The following PRKAG2 variants were observed in gnomAD, a reference collection of about 807,000 sequenced individuals.
PRKAG2 encodes protein kinase AMP-activated non-catalytic subunit gamma 2.
Under a neutral mutation model 69.6 loss-of-function variants are expected in PRKAG2, and 26 were observed. The ratio of observed to expected loss-of-function variants is 0.37; its 90% CI spans 0.27 to 0.52. The LOEUF is 0.52. PRKAG2 is among the 20% of genes least tolerant of loss of function. PRKAG2 has a pLI of 0.90. For missense variants in PRKAG2, 557 were observed against 740.0 expected, an observed-to-expected ratio of 0.75 and a Z score of 2.87; for synonymous variants, 293 against 285.0, an observed-to-expected ratio of 1.03 and a Z score of -0.28.
Position 151,829,746 on chromosome 7 carries a change from C to T in PRKAG2, c.115-43205G>A, listed in dbSNP as rs540909133. ...ACATGGATGAAACTTAAAAACATTT[C>T]GTTACGTGAAAGAAGTCATAAAAGA... is the stretch of plus-strand genomic sequence containing the variant. On this transcript the variant is annotated intron_variant, in intron 1 of 15. Coordinates refer to ENST00000287878, the MANE Select transcript of PRKAG2 (RefSeq NM_016203.4). Among the ~76,000 whole-genome samples the T allele has an allele frequency of 1.4e-3, 213 of 152,002 alleles. 1 individual carries two copies. The highest frequency in any genetic ancestry group is 4.9e-3 in the African/African-American group (205 of 41,516).
rs559252937 is a variant in PRKAG2 at position 151,664,227 on chromosome 7, T to C, written c.684+11193A>G. On this transcript the variant is annotated intron_variant, in intron 4 of 15. Coordinates refer to ENST00000287878, the MANE Select transcript of PRKAG2 (RefSeq NM_016203.4). ...TGGAGCCCAGCTGCCTTGGTTCAAA[T>C]CTTGGCTTTAGCGTTTGCTAGCCAT... 5.3e-5 allele frequency among the ~76,000 whole-genome samples: 8 copies of C among 152,324 alleles called. No individual in the cohort carries two copies. The South Asian group carries it at 1.7e-3, about 32-fold the overall frequency.
chr7:151,850,841 C>T lies in PRKAG2; in HGVS notation c.114+25666G>A, dbSNP rs557075006. On this transcript the variant is annotated intron_variant, in intron 1 of 15. Transcript: ENST00000287878. The surrounding 1 kb of genome is among the most constrained non-coding windows in gnomAD (Gnocchi z 4.1). Reference sequence around the variant, plus strand: ...GATGCTGAAGATCTAGTCCCTCCCCCCACAGTCACTGATGGTGTCACTGAA... The same window carrying T: ...GATGCTGAAGATCTAGTCCCTCCCCTCACAGTCACTGATGGTGTCACTGAA... Among the ~76,000 whole-genome samples the T allele has an allele frequency of 2.6e-5, 4 of 152,314 alleles. No individual in the cohort carries two copies. The highest frequency in any genetic ancestry group is 9.6e-5 in the African/African-American group (4 of 41,572).
At chr7:151,671,262 G>A (rs748782908) in intron 4 of PRKAG2, among the ~76,000 whole-genome samples, 5 of 151,310 alleles carry the variant, frequency 3.3e-5, no homozygotes, top group Non-Finnish European at 5.9e-5. Flanking sequence ...TAAAATTCAT[G>A]GGAACAGATT....
At chr7:151,806,737 G>A (rs966494916) in intron 1 of PRKAG2, 6 of 317,078 alleles carry the variant, frequency 1.9e-5, no homozygotes, top group Admixed American at 4.8e-5. Flanking sequence ...AGGTGGAGAC[G>A]GGCAGACCAC....
chr7:151,845,116 C>A (rs2079400344), intron 1 of PRKAG2, among the ~76,000 whole-genome samples: 1 of 151,592 alleles, frequency 6.6e-6, no homozygotes, highest in South Asian at 2.1e-4. Flanking sequence ...ATCTCAACCC[C>A]ACAGTTCCCT....
At chr7:151,824,995 C>T (rs937258666) in intron 1 of PRKAG2, among the ~76,000 whole-genome samples, 1 of 152,148 alleles carries the variant, frequency 6.6e-6, no homozygotes, top group Non-Finnish European at 1.5e-5. Flanking sequence ...GGGCGGATCA[C>T]GAGGTCAGGA....
In PRKAG2 at chr7:151,719,469, C is replaced by T. The variant is rs1479501712; in HGVS notation, c.467-43832G>A. On this transcript the variant is annotated intron_variant, in intron 3 of 15. Coordinates refer to ENST00000287878, the MANE Select transcript of PRKAG2 (RefSeq NM_016203.4). This position sits in a 1 kb window ranked among gnomAD's most constrained non-coding sequence, Gnocchi z 5.2. The stretch of plus-strand genomic sequence containing the variant: ...GCCCCTGCCCTGGGCTGCTCCCAGC[C>T]AATGCCTAAGCGCCGGGTGCTGGGT... Among the ~76,000 whole-genome samples, 3 of 152,126 alleles carry T rather than the reference C, an allele frequency of 2.0e-5. No homozygotes were observed. Among genetic ancestry groups the T allele is most frequent in the African/African-American group, 7.2e-5 (3 of 41,446 alleles).
At chr7:151,595,522 C>T (rs932473368) in intron 5 of PRKAG2, 68 bp from the exon 6 acceptor site, 24 of 1,077,452 alleles carry the variant, frequency 2.2e-5, no homozygotes, top group Admixed American at 8.7e-5. Flanking sequence ...AGAGCATATA[C>T]GTAAACCTAT....
At position 151,754,225 on chromosome 7, in the gene PRKAG2, C is replaced by A. The variant is rs557544637; in HGVS notation, c.466+26927G>T. ...AATAACAGCCTGGACACAGGATGTG[C>A]AGGCCAGCCCTGGCTGGGGACGTCT... On this transcript the variant is annotated intron_variant, in intron 3 of 15. Coordinates refer to ENST00000287878, the MANE Select transcript of PRKAG2 (RefSeq NM_016203.4). Among the ~76,000 whole-genome samples, 323 of 152,368 alleles carry A rather than the reference C, an allele frequency of 2.1e-3. 3 individuals are homozygous for A. Among genetic ancestry groups the A allele is most frequent in the South Asian group, 0.019 (94 of 4,830 alleles).
intron 1 of PRKAG2, among the ~76,000 whole-genome samples, chr7:151,871,382 T>C (rs933818322): frequency 3.9e-5 from 6 of 152,212 alleles, no homozygotes; most frequent in Non-Finnish European, 5.9e-5. Flanking sequence ...AGGCCAGGAC[T>C]CTGACCTCTA....
intron 3 of PRKAG2, among the ~76,000 whole-genome samples, chr7:151,744,449 AGCCGAGGGCGTCATCAG>A (rs951106731): frequency 6.6e-6 from 1 of 152,178 alleles, no homozygotes; most frequent in Non-Finnish European, 1.5e-5. Flanking sequence ...GGCATCTGAG[AGCCGAGGGCGTCATCAG>A]GCCGAGCTGC....
chr7:151,689,605 C>T (rs1053883463), intron 3 of PRKAG2, among the ~76,000 whole-genome samples: 15 of 152,292 alleles, frequency 9.8e-5, no homozygotes, highest in Admixed American at 2.6e-4. Context: ...GGTTCCTGCC[C>T]GGCTTTCCCC....
chr7:151,631,555 T>A, intron 5 of PRKAG2: 2 of 353,194 alleles, frequency 5.7e-6, no homozygotes, highest in Non-Finnish European at 1.2e-5. Context: ...AGTGAGAGGG[T>A]CGCCTGAACT....
chr7:151,775,192 G>C (rs2076279588), intron 3 of PRKAG2, among the ~76,000 whole-genome samples: 2 of 152,260 alleles, frequency 1.3e-5, no homozygotes, highest in South Asian at 4.1e-4. Context: ...TTGCCAACTG[G>C]ACCTCTTATC....
chr7:151,688,780 T>C (rs1835167006), intron 3 of PRKAG2, among the ~76,000 whole-genome samples: 1 of 152,230 alleles, frequency 6.6e-6, no homozygotes, highest in Admixed American at 6.5e-5. Flanking sequence ...CTGACGAAAC[T>C]GATGAATGAA....
rs892769571 is a variant in PRKAG2 at position 151,778,410 on chromosome 7, G to A, written c.466+2742C>T. 2.6e-5 allele frequency among the ~76,000 whole-genome samples: 4 copies of A among 152,306 alleles called. No individual in the cohort carries two copies. In the South Asian group the frequency reaches 6.2e-4, roughly 24 times the overall value. On this transcript the variant is annotated intron_variant, in intron 3 of 15. Transcript: ENST00000287878. Reference sequence around the variant, plus strand: ...GATGCTGGCACCATGCCTCTGTGCAGCCTGCAGAACCATGAGCCAAATAAA... The same window carrying A: ...GATGCTGGCACCATGCCTCTGTGCAACCTGCAGAACCATGAGCCAAATAAA...
At chr7:151,573,199 C>A (rs1808057029) in intron 8 of PRKAG2, among the ~76,000 whole-genome samples, 1 of 150,376 alleles carries the variant, frequency 6.6e-6, no homozygotes, top group Non-Finnish European at 1.5e-5. Flanking sequence ...ATTCTGTCAT[C>A]CGGGCTGGAG....
chr7:151,862,065 G>A (rs1563762933), intron 1 of PRKAG2, among the ~76,000 whole-genome samples: 1 of 152,026 alleles, frequency 6.6e-6, no homozygotes, highest in Admixed American at 6.6e-5. Context: ...GGTCCCTGAA[G>A]GGGATGAGGC....
intron 4 of PRKAG2, among the ~76,000 whole-genome samples, chr7:151,649,111 G>T (rs929421801): frequency 1.5e-5 from 2 of 135,088 alleles, no homozygotes; most frequent in African/African-American, 3.1e-5. Context: ...GGGAAGGAAT[G>T]ATTATTTTAT....
Sources: gnomAD v4.1 joint callset for allele counts (sites outside exome capture counted in the v4.1 genomes callset) on GRCh38, gnomAD v4.1.1 for gene constraint, Gnocchi (gnomAD v3.1) non-coding constraint, MANE v1.5 for transcripts, NCBI Gene and HGNC (gene_info 2026-07-23, HGNC 2026-07-21) for gene names.